The following TENM2 variants were observed in gnomAD, a reference collection of about 807,000 sequenced individuals.
The protein encoded by TENM2 is teneurin transmembrane protein 2, also known as teneurin-2.
Under a neutral mutation model 245.2 loss-of-function variants are expected in TENM2, and 52 were observed. The ratio of observed to expected loss-of-function variants is 0.21; its 90% CI spans 0.17 to 0.27. TENM2 has a LOEUF of 0.27. TENM2 is among the 10% of genes least tolerant of loss of function. TENM2 has a pLI of 1.00. For missense variants in TENM2, 3,046 were observed against 3,666.8 expected, an observed-to-expected ratio of 0.83 and a Z score of 4.37; for synonymous variants, 1,363 against 1,438.9, an observed-to-expected ratio of 0.95 and a Z score of 1.19.
rs1254887462 is a variant in TENM2, at chr5:167,817,576, CTG to C, written c.503-58407_503-58406del. 9.2e-5 allele frequency among the ~76,000 whole-genome samples: 14 copies of C among 152,198 alleles called. No homozygotes were observed. The East Asian group carries it at 2.1e-3, about 23-fold the overall frequency. ...TTAGATAGTTAGATGGCTTAACAAA[CTG>C]TGAAAAGTAGAACCTTTTCTCTACA... On this transcript the variant is annotated intron_variant, in intron 2 of 28. Transcript: ENST00000518659.
At chr5:167,555,749 T>G (rs776288349) in intron 2 of TENM2, among the ~76,000 whole-genome samples, 2 of 152,134 alleles carry the variant, frequency 1.3e-5, no homozygotes, top group Non-Finnish European at 2.9e-5. Context: ...TCGGAATCAG[T>G]AAACACAGCC....
At chr5:167,558,427 T>C (rs995285038) in intron 2 of TENM2, among the ~76,000 whole-genome samples, 3 of 151,792 alleles carry the variant, frequency 2.0e-5, no homozygotes, top group African/African-American at 7.3e-5. Flanking sequence ...AAAGCAAGGG[T>C]CCCCAACCCC....
chr5:167,592,405 A>T (rs182836581), intron 2 of TENM2, among the ~76,000 whole-genome samples: 4 of 152,250 alleles, frequency 2.6e-5, no homozygotes, highest in African/African-American at 7.2e-5. Flanking sequence ...TTGAGTCTAG[A>T]CTACTGTAAT....
At chr5:167,181,122 T>G in the TENM2 span, among the ~76,000 whole-genome samples, 1 of 151,820 alleles carries the variant, frequency 6.6e-6, no homozygotes, top group African/African-American at 2.4e-5. Context: ...GGAATAACCA[T>G]GGTATATACT....
intron 2 of TENM2, among the ~76,000 whole-genome samples, chr5:167,823,596 C>T (rs1317367199): frequency 6.6e-6 from 1 of 152,152 alleles, no homozygotes; most frequent in East Asian, 1.9e-4. Context: ...TTATTATATA[C>T]TCAGCCTGAA....
chr5:167,477,807 T>TAGAC (rs1334116673), intron 2 of TENM2, among the ~76,000 whole-genome samples: 1 of 151,472 alleles, frequency 6.6e-6, no homozygotes, highest in Non-Finnish European at 1.5e-5. Context: ...GATAGACAGA[T>TAGAC]AGATAATATA....
intron 2 of TENM2, among the ~76,000 whole-genome samples, chr5:167,626,283 A>C (rs551152529): frequency 6.6e-6 from 1 of 151,726 alleles, no homozygotes; most frequent in Admixed American, 6.6e-5. Context: ...GAGAGAGGCA[A>C]GGTTCCTCAG....
At chr5:167,561,959 A>G (rs1773620740) in intron 2 of TENM2, among the ~76,000 whole-genome samples, 1 of 152,170 alleles carries the variant, frequency 6.6e-6, no homozygotes, top group Admixed American at 6.5e-5. Context: ...CTGGGCTGGG[A>G]TAGTCTCTGT....
intron 1 of TENM2, among the ~76,000 whole-genome samples, chr5:167,302,666 T>A (rs1437303846): frequency 6.6e-6 from 1 of 150,648 alleles, no homozygotes; most frequent in African/African-American, 2.4e-5. Flanking sequence ...GACTGGGGGG[T>A]TCTTGCACCC....
intron 2 of TENM2, among the ~76,000 whole-genome samples, chr5:167,604,056 C>T (rs1776847084): frequency 6.6e-6 from 1 of 151,862 alleles, no homozygotes; most frequent in African/African-American, 2.4e-5. Flanking sequence ...TGAAATAAAA[C>T]AATATACTAG....
intron 2 of TENM2, among the ~76,000 whole-genome samples, chr5:167,709,041 C>G (rs975672684): frequency 2.6e-5 from 4 of 152,070 alleles, no homozygotes; most frequent in African/African-American, 7.2e-5. Flanking sequence ...CAATACAGTC[C>G]TACCTCATAA....
chr5:167,601,367 A>G (rs1242397894), intron 2 of TENM2, among the ~76,000 whole-genome samples: 1 of 152,244 alleles, frequency 6.6e-6, no homozygotes. Context: ...TTTAATTTCA[A>G]CTAATTTAAA....
chr5:167,969,483 TA>T (rs879540885), intron 4 of TENM2, among the ~76,000 whole-genome samples: 4 of 152,122 alleles, frequency 2.6e-5, no homozygotes, highest in Admixed American at 2.6e-4. Flanking sequence ...CAGTCTCGGG[TA>T]TGTCTTTATT....
chr5:167,486,729 T>C (rs1768098360), intron 2 of TENM2, among the ~76,000 whole-genome samples: 1 of 152,220 alleles, frequency 6.6e-6, no homozygotes, highest in African/African-American at 2.4e-5. Flanking sequence ...GATTTTTTTT[T>C]CTCTGTTACT....
At chr5:168,126,294 T>G (rs563693834) in intron 11 of TENM2, among the ~76,000 whole-genome samples, 39 of 152,284 alleles carry the variant, frequency 2.6e-4, no homozygotes, top group African/African-American at 7.9e-4. Flanking sequence ...CCCAGCTGAC[T>G]AGAGAGTCAG....
At chr5:168,008,845 T>TATG (rs1159085005) in intron 5 of TENM2, among the ~76,000 whole-genome samples, 1 of 152,202 alleles carries the variant, frequency 6.6e-6, no homozygotes, top group East Asian at 1.9e-4. Flanking sequence ...TTTTTATTGG[T>TATG]ATGTAATTCT....
intron 3 of TENM2, among the ~76,000 whole-genome samples, chr5:167,916,879 G>A (rs750441867): frequency 9.2e-5 from 14 of 152,200 alleles, no homozygotes; most frequent in Non-Finnish European, 1.9e-4. Context: ...AGCAGCAGCC[G>A]CAGCTGATCT....
At chr5:167,211,294 T>A in the TENM2 span, among the ~76,000 whole-genome samples, 2 of 152,204 alleles carry the variant, frequency 1.3e-5, no homozygotes, top group Non-Finnish European at 2.9e-5. Flanking sequence ...TTTCAACCAA[T>A]CAGATAAAAT....
chr5:167,902,915 G>C (rs1012434550), intron 3 of TENM2, among the ~76,000 whole-genome samples: 3 of 152,170 alleles, frequency 2.0e-5, no homozygotes, highest in Non-Finnish European at 2.9e-5. Flanking sequence ...AGCTTTGACA[G>C]CCTAAGGAAA....
Sources: allele counts gnomAD v4.1 joint callset (sites outside exome capture counted in the v4.1 genomes callset), GRCh38; gene constraint gnomAD v4.1.1; transcripts MANE v1.5; gene names NCBI Gene and HGNC (gene_info 2026-07-23, HGNC 2026-07-21).